HAO2: variants seen among roughly 807,000 people sequenced by gnomAD.
HAO2 encodes the protein hydroxyacid oxidase 2.
HAO2 carries 42 observed loss-of-function variants against 37.4 expected under a neutral mutation model. That is an observed-to-expected ratio of 1.12 (90% CI 0.88 to 1.45). HAO2 has a LOEUF of 1.45. Among genes scored for constraint, HAO2 ranks in the 40% most tolerant of loss-of-function variants. The probability of loss-of-function intolerance (pLI) is 0.00; values close to 1 mark genes in which losing one functional copy is unlikely to be tolerated. For missense variants in HAO2, 476 were observed against 430.2 expected, an observed-to-expected ratio of 1.11 and a Z score of -0.94; for synonymous variants, 180 against 162.8, an observed-to-expected ratio of 1.11 and a Z score of -0.81.
At chr1:119,375,958 GA>G (rs1649420214) in intron 1 of HAO2, among the ~76,000 whole-genome samples, 1 of 152,162 alleles carries the variant, frequency 6.6e-6, no homozygotes, top group African/African-American at 2.4e-5. Context: ...TTTGGTTGGG[GA>G]CACAGCCAAA....
chr1:119,374,122 C>T (rs1000449501), intron 1 of HAO2, among the ~76,000 whole-genome samples: 2 of 152,190 alleles, frequency 1.3e-5, no homozygotes, highest in African/African-American at 4.8e-5. Context: ...GAGGGCTGAC[C>T]TGCTGTTCCT....
intron 4 of HAO2, chr1:119,385,973 C>A: frequency 1.3e-6 from 1 of 770,090 alleles, no homozygotes; most frequent in Non-Finnish European, 1.6e-6. Context: ...ATCACATTGA[C>A]CAATAAATGC....
intron 5 of HAO2, among the ~76,000 whole-genome samples, chr1:119,390,955 T>C (rs1274829252): frequency 6.6e-6 from 1 of 152,120 alleles, no homozygotes; most frequent in African/African-American, 2.4e-5. Context: ...AAGTTCCTCA[T>C]AGAAGTTCCC....
intron 1 of HAO2, among the ~76,000 whole-genome samples, chr1:119,376,951 C>T (rs1473625536): frequency 1.3e-5 from 2 of 152,178 alleles, no homozygotes; most frequent in Non-Finnish European, 2.9e-5. Flanking sequence ...GAATCATTTT[C>T]CCCATTGTCT....
intron 1 of HAO2, among the ~76,000 whole-genome samples, chr1:119,372,412 C>T (rs587726413): frequency 7.2e-5 from 11 of 152,192 alleles, no homozygotes; most frequent in African/African-American, 2.6e-4. Flanking sequence ...TCACTTTGTT[C>T]TTCTTGACAT....
chr1:119,376,096 A>G (rs1649436399), intron 1 of HAO2, among the ~76,000 whole-genome samples: 1 of 152,176 alleles, frequency 6.6e-6, no homozygotes, highest in Non-Finnish European at 1.5e-5. Flanking sequence ...TCACAGTCCA[A>G]AGTCTCATCT....
At position 119,393,910 on chromosome 1, in the gene HAO2, T is replaced by A; in HGVS notation, c.*70T>A. ...GATCACAAACTCACAGCACAGTGTGTGATGCTGTCCTTCCTGGACCCCATT... is the reference window on the plus strand; with the variant it reads ...GATCACAAACTCACAGCACAGTGTGAGATGCTGTCCTTCCTGGACCCCATT... On this transcript the variant is annotated 3_prime_UTR_variant, in exon 8 of 8. Coordinates refer to ENST00000325945, the MANE Select transcript of HAO2 (RefSeq NM_016527.4). 1.2e-6 allele frequency: 2 copies of A among 1,609,060 alleles called. No individual in the cohort carries two copies. Among genetic ancestry groups the A allele is most frequent in the South Asian group, 2.2e-5 (2 of 90,910 alleles).
chr1:119,374,552 G>A (rs143419522), intron 1 of HAO2, among the ~76,000 whole-genome samples: 55 of 152,276 alleles, frequency 3.6e-4, no homozygotes, highest in African/African-American at 1.2e-3. Flanking sequence ...TAGGCCAGAG[G>A]TTCTGGAAGG....
At position 119,384,991 on chromosome 1, in the gene HAO2, C is replaced by A; in HGVS notation, c.499C>A (p.His167Asn). 2 of 1,613,942 alleles carry A rather than the reference C, an allele frequency of 1.2e-6. No individual in the cohort carries two copies. The highest frequency in any genetic ancestry group is 8.5e-7 in the Non-Finnish European group (1 of 1,179,890). The change falls in exon 4 of 8, where the codon CAT becomes AAT. Residue 167 changes from histidine to asparagine, a missense_variant. By Grantham distance (68) the His-to-Asn change is moderately conservative. Transcript: ENST00000325945. ...TACACCTGTATGTGGCAACAGGCGACATGACATTCGAAACCAGTTGAGGAG... is the reference window on the plus strand; with the variant it reads ...TACACCTGTATGTGGCAACAGGCGAAATGACATTCGAAACCAGTTGAGGAG... ...LDTPVCGNRR[H>N]DIRNQLRRNL... is the part of the protein sequence containing the mutation.
intron 5 of HAO2, among the ~76,000 whole-genome samples, chr1:119,389,416 T>G (rs1650691731): frequency 6.6e-6 from 1 of 151,358 alleles, no homozygotes; most frequent in Non-Finnish European, 1.5e-5. Flanking sequence ...CCACCAGCAG[T>G]GTAGAAGTGT....
intron 1 of HAO2, among the ~76,000 whole-genome samples, chr1:119,376,186 C>T (rs1649450861): frequency 2.0e-5 from 3 of 152,200 alleles, no homozygotes; most frequent in Non-Finnish European, 4.4e-5. Context: ...AATGGGGATA[C>T]AGGCATTGGG....
intron 1 of HAO2, among the ~76,000 whole-genome samples, chr1:119,373,904 G>T (rs587596418): frequency 2.0e-4 from 31 of 152,288 alleles, no homozygotes; most frequent in African/African-American, 6.5e-4. Flanking sequence ...GGGCCATTAT[G>T]GTTCAGAAGG....
In HAO2 at chr1:119,392,344, T is replaced by A. The variant is rs1650979800; in HGVS notation, c.930+76T>A. 7 of 1,259,378 alleles carry A rather than the reference T, an allele frequency of 5.6e-6. No individual in the cohort carries two copies. The East Asian group carries it at 1.6e-4, about 29-fold the overall frequency. The allele number at this position is 1,259,378 out of a possible 1,614,324, so 78.0% of individuals were successfully genotyped here. ...TTCTGTGCTTTCCTGTGGTTCATTT[T>A]CCAAGCTTAGACATTTTCAAAATGA... On this transcript the variant is annotated intron_variant, in intron 6 of 7. Transcript: ENST00000325945.
chr1:119,393,289 T>C (rs996902310), intron 7 of HAO2, among the ~76,000 whole-genome samples: 1 of 152,182 alleles, frequency 6.6e-6, no homozygotes, highest in African/African-American at 2.4e-5. Flanking sequence ...TCAATCCTTA[T>C]GTCCAATCTG....
intron 5 of HAO2, among the ~76,000 whole-genome samples, chr1:119,389,767 T>A (rs948478338): frequency 4.6e-5 from 7 of 152,132 alleles, no homozygotes; most frequent in Admixed American, 4.6e-4. Context: ...ACTGTTCCTC[T>A]GCCATACAAA....
chr1:119,391,625 A>G (rs1265751249), intron 5 of HAO2, among the ~76,000 whole-genome samples: 1 of 152,146 alleles, frequency 6.6e-6, no homozygotes, highest in Non-Finnish European at 1.5e-5. Flanking sequence ...ATAATGTTCA[A>G]CCCAGTTTCC....
chr1:119,369,445 T>A (rs1648783582), intron 1 of HAO2, among the ~76,000 whole-genome samples: 1 of 152,170 alleles, frequency 6.6e-6, no homozygotes, highest in South Asian at 2.1e-4. Context: ...AATCTACAGA[T>A]CAACCTGCGG....
At chr1:119,381,443 C>A (rs892075782) in intron 2 of HAO2, among the ~76,000 whole-genome samples, 1 of 152,134 alleles carries the variant, frequency 6.6e-6, no homozygotes, top group Non-Finnish European at 1.5e-5. Flanking sequence ...GTGAGTCATT[C>A]TCCTTCATCT....
rs1227235046 is a variant in HAO2 at position 119,377,701 on chromosome 1, TGAA to T, written c.-8-3375_-8-3373del. Among the ~76,000 whole-genome samples the T allele has an allele frequency of 7.2e-5, 11 of 152,116 alleles. No individual in the cohort carries two copies. The East Asian group carries it at 2.1e-3, about 29-fold the overall frequency. ...GAGGCCTCACAATCATGGTGAAAGG[TGAA>T]GGAGGAGCAAAGGCATGTTTTAAAT... On this transcript the variant is annotated intron_variant, in intron 1 of 7. Coordinates refer to ENST00000325945, the MANE Select transcript of HAO2 (RefSeq NM_016527.4).
Sources: gnomAD v4.1 joint callset for allele counts (sites outside exome capture counted in the v4.1 genomes callset) on GRCh38, gnomAD v4.1.1 for gene constraint, MANE v1.5 for transcripts, NCBI Gene and HGNC (gene_info 2026-07-23, HGNC 2026-07-21) for gene names.